Variants in COMMD1 observed in about 807,000 individuals in gnomAD.
COMMD1 encodes the protein COMM domain-containing protein 1.
In COMMD1, 10 loss-of-function variants were observed where a neutral mutation model predicts 17.2. The observed-to-expected ratio is 0.58, with a 90% confidence interval of 0.36 to 0.99. The LOEUF (loss-of-function observed/expected upper bound fraction) is 0.99, where lower values mean the gene tolerates loss of function less well. Among genes scored for constraint, COMMD1 ranks in the 50% least tolerant of loss-of-function variants. The probability of loss-of-function intolerance (pLI) is 0.01; values close to 1 mark genes in which losing one functional copy is unlikely to be tolerated. For missense variants in COMMD1, 270 were observed against 231.8 expected, an observed-to-expected ratio of 1.17 and a Z score of -1.07; for synonymous variants, 97 against 91.6, an observed-to-expected ratio of 1.06 and a Z score of -0.34.
At chr2:61,941,501 G>C (rs996702751) in intron 1 of COMMD1, among the ~76,000 whole-genome samples, 1 of 152,140 alleles carries the variant, frequency 6.6e-6, no homozygotes, top group African/African-American at 2.4e-5. Context: ...GAATATCCTG[G>C]TCATTATAAA....
intron 2 of COMMD1, among the ~76,000 whole-genome samples, chr2:62,066,994 GGGATT>G (rs1671069827): frequency 1.3e-5 from 2 of 152,086 alleles, no homozygotes; most frequent in Non-Finnish European, 2.9e-5. Flanking sequence ...CCAAAATGCT[GGGATT>G]ACAGGCTTGA....
chr2:61,970,719 A>T (rs1455491124), intron 1 of COMMD1, among the ~76,000 whole-genome samples: 1 of 151,958 alleles, frequency 6.6e-6, no homozygotes, highest in Non-Finnish European at 1.5e-5. Context: ...CCTATGATTA[A>T]TTTTTTTTCT....
At chr2:62,047,550 G>A (rs1298316615) in intron 2 of COMMD1, among the ~76,000 whole-genome samples, 4 of 151,816 alleles carry the variant, frequency 2.6e-5, no homozygotes, top group Admixed American at 2.6e-4. Context: ...CGCCTCCTGG[G>A]TTCAAATGAT....
At chr2:62,034,890 T>C (rs1669999954) in intron 2 of COMMD1, among the ~76,000 whole-genome samples, 1 of 152,250 alleles carries the variant, frequency 6.6e-6, no homozygotes, top group Admixed American at 6.5e-5. Context: ...TAAGTGAAGC[T>C]GTTAGCAGCA....
intron 2 of COMMD1, among the ~76,000 whole-genome samples, chr2:62,089,410 C>T (rs1428314757): frequency 2.0e-5 from 3 of 151,894 alleles, no homozygotes; most frequent in African/African-American, 7.2e-5. Context: ...CTCAGCCTCC[C>T]GAGTAGCTGG....
intron 1 of COMMD1, among the ~76,000 whole-genome samples, chr2:61,938,847 C>T (rs1430783246): frequency 7.9e-5 from 12 of 152,144 alleles, no homozygotes; most frequent in Admixed American, 7.2e-4. Flanking sequence ...AATATTTTGA[C>T]AATCAAAAGA....
intron 1 of COMMD1, among the ~76,000 whole-genome samples, chr2:62,000,476 G>GT (rs1469332734): frequency 1.3e-5 from 2 of 151,714 alleles, no homozygotes; most frequent in South Asian, 4.2e-4. Context: ...TGTAGTTTTA[G>GT]TAGAGACAGG....
chr2:62,055,443 C>A (rs973471628), intron 2 of COMMD1: 1 of 456,044 alleles, frequency 2.2e-6, no homozygotes, highest in Admixed American at 2.3e-5. Flanking sequence ...ATTACAGGTT[C>A]ATTGCAACCA....
At chr2:62,115,910 G>A (rs1672585684) in intron 2 of COMMD1, among the ~76,000 whole-genome samples, 1 of 139,786 alleles carries the variant, frequency 7.2e-6, no homozygotes, top group African/African-American at 2.7e-5. Context: ...CTAGACAGGA[G>A]TGCATGATCT....
rs183957883 is a variant in COMMD1 at position 61,966,471 on chromosome 2, G to T, written c.181-34230G>T. Among the ~76,000 whole-genome samples, 6 of 152,180 alleles carry T rather than the reference G, an allele frequency of 3.9e-5. No individual in the cohort carries two copies. In the East Asian group the frequency reaches 1.2e-3, roughly 29 times the overall value. Reference sequence around the variant, plus strand: ...TAATACCCAATTGAAACACTAGTTGGTTGTATATTAAATCTAATAATAGGA... The same window carrying T: ...TAATACCCAATTGAAACACTAGTTGTTTGTATATTAAATCTAATAATAGGA... On this transcript the variant is annotated intron_variant, in intron 1 of 2. Coordinates refer to ENST00000311832, the MANE Select transcript of COMMD1 (RefSeq NM_152516.4).
chr2:62,103,516 T>C lies in COMMD1; in HGVS notation c.463-32315T>C, dbSNP rs571057834. 2.6e-5 allele frequency among the ~76,000 whole-genome samples: 4 copies of C among 152,360 alleles called. No individual in the cohort carries two copies. In the South Asian group the frequency reaches 8.3e-4, roughly 32 times the overall value. ...CAGTATGTACATCTCTTCCACACTA[T>C]CATGAGTTTATTTTAGGTGTAGACC... is the stretch of plus-strand genomic sequence containing the variant. On this transcript the variant is annotated intron_variant, in intron 2 of 2. Coordinates refer to ENST00000311832, the MANE Select transcript of COMMD1 (RefSeq NM_152516.4).
chr2:62,008,596 T>A (rs1374299458), intron 2 of COMMD1, among the ~76,000 whole-genome samples: 1 of 152,196 alleles, frequency 6.6e-6, no homozygotes, highest in East Asian at 1.9e-4. Context: ...TACAAATTTG[T>A]TTCTGATAAT....
intron 2 of COMMD1, among the ~76,000 whole-genome samples, chr2:62,030,603 G>C (rs1171530926): frequency 6.6e-6 from 1 of 152,054 alleles, no homozygotes; most frequent in Non-Finnish European, 1.5e-5. Flanking sequence ...TGAGATTCAG[G>C]TTCATTTTCT....
rs957829934 is a variant in COMMD1, at chr2:61,980,690, G to T, written c.181-20011G>T. Among the ~76,000 whole-genome samples the T allele has an allele frequency of 7.8e-4, 114 of 146,806 alleles. 1 individual carries two copies. Among genetic ancestry groups the T allele is most frequent in the Non-Finnish European group, 1.5e-3 (99 of 66,642 alleles). On this transcript the variant is annotated intron_variant, in intron 1 of 2. Coordinates refer to ENST00000311832, the MANE Select transcript of COMMD1 (RefSeq NM_152516.4). ...GTAGGTTGCGAAAATTTTCTCCCAT[G>T]TTGTAGGTTGCCTGTTCACTCTGAT...
chr2:62,052,198 C>T (rs914554161), intron 2 of COMMD1, among the ~76,000 whole-genome samples: 2 of 152,120 alleles, frequency 1.3e-5, no homozygotes, highest in Admixed American at 1.3e-4. Context: ...TGCCTGTAAT[C>T]CCAGCACTTT....
intron 1 of COMMD1, among the ~76,000 whole-genome samples, chr2:61,923,379 T>C (rs1265711906): frequency 6.6e-6 from 1 of 152,128 alleles, no homozygotes; most frequent in Non-Finnish European, 1.5e-5. Flanking sequence ...GAGGGGAATA[T>C]ACAGATGAGG....
chr2:62,030,653 C>G (rs1669887534), intron 2 of COMMD1, among the ~76,000 whole-genome samples: 1 of 152,068 alleles, frequency 6.6e-6, no homozygotes, highest in African/African-American at 2.4e-5. Flanking sequence ...TATTTTCTAC[C>G]TTTTCTAAAC....
chr2:62,066,995 G>A (rs1339465997), intron 2 of COMMD1, among the ~76,000 whole-genome samples: 1 of 152,036 alleles, frequency 6.6e-6, no homozygotes, highest in African/African-American at 2.4e-5. Flanking sequence ...CAAAATGCTG[G>A]GATTACAGGC....
At chr2:62,012,728 G>T (rs1395254183) in intron 2 of COMMD1, among the ~76,000 whole-genome samples, 1 of 152,146 alleles carries the variant, frequency 6.6e-6, no homozygotes, top group Admixed American at 6.6e-5. Flanking sequence ...GAAGTAGCAA[G>T]AAGTAAATTG....
Sources: gnomAD v4.1 joint callset for allele counts (sites outside exome capture counted in the v4.1 genomes callset) on GRCh38, gnomAD v4.1.1 for gene constraint, MANE v1.5 for transcripts, NCBI Gene and HGNC (gene_info 2026-07-23, HGNC 2026-07-21) for gene names.